Variants in DNAH14 observed in about 807,000 individuals in gnomAD.
DNAH14 encodes the protein dynein axonemal heavy chain 14, also known as axonemal beta dynein heavy chain 14.
Under a neutral mutation model 520.9 loss-of-function variants are expected in DNAH14, and 478 were observed. The observed-to-expected ratio is 0.92, with a 90% confidence interval of 0.85 to 0.99. The LOEUF is 0.99. Among genes scored for constraint, DNAH14 ranks in the 50% least tolerant of loss-of-function variants. DNAH14 has a pLI of 0.00. For missense variants in DNAH14, 4,831 were observed against 5,234.5 expected, an observed-to-expected ratio of 0.92 and a Z score of 2.38; for synonymous variants, 1,581 against 1,757.2, an observed-to-expected ratio of 0.90 and a Z score of 2.51.
At position 225,333,298 on chromosome 1, in the gene DNAH14, G is replaced by T. The variant is rs1265259623; in HGVS notation, c.9872G>T (p.Trp3291Leu). 6.5e-7 allele frequency: 1 copy of T among 1,550,186 alleles called. No homozygotes were observed. Residue 3291 changes from tryptophan to leucine, a missense_variant, in exon 66 of 86, where the codon TGG (tryptophan) becomes TTG (leucine). Physicochemically the swap from Trp to Leu is moderately conservative, Grantham distance 61. Transcript: ENST00000682510. ...TTCTATTTTAACATTTAGACTCGAT[G>T]GCAAGAAACAATCAATCAAATAGAT... ...LTVLEDEKTR[W>L]QETINQIDNK...
rs1454149127 is a variant in DNAH14, at chr1:225,399,155, A to G, written c.13740A>G (p.Ala4580=). The change falls in exon 86 of 86, where the codon GCA becomes GCG. Residue 4580 remains alanine, a synonymous_variant. Coordinates refer to ENST00000682510, the MANE Select transcript of DNAH14 (RefSeq NM_001367479.1). ...YQTPERSRIL[A]TTGLPTNFLT... ...CACCTGAGAGGTCAAGAATTTTGGC[A>G]ACTACCGGTTTACCAACAAACTTTT... 5.2e-6 allele frequency: 8 copies of G among 1,551,656 alleles called. No individual in the cohort carries two copies. The highest frequency in any genetic ancestry group is 7.0e-6 in the Non-Finnish European group (8 of 1,146,976).
intron 5 of DNAH14, 67 bp downstream of exon 5, chr1:224,964,676 T>C: frequency 7.6e-7 from 1 of 1,315,504 alleles, no homozygotes; most frequent in Middle Eastern, 2.8e-4. Context: ...TTAATTTTTA[T>C]TTCATTTCAG....
rs1313515884 is a variant in DNAH14 at position 225,345,954 on chromosome 1, G to T, written c.10679-8G>T. On this transcript the variant is annotated splice_polypyrimidine_tract_variant and splice_region_variant and intron_variant, in intron 69 of 85. Coordinates refer to ENST00000682510, the MANE Select transcript of DNAH14 (RefSeq NM_001367479.1). ...CTTTATTTAACTTCACTTTTTGTTT[G>T]TCTTTAGGATCCATATTAGATGATG... is the stretch of plus-strand genomic sequence containing the variant. 8 of 1,533,874 alleles carry T rather than the reference G, an allele frequency of 5.2e-6. No homozygotes were observed. The highest frequency in any genetic ancestry group is 4.2e-5 in the Admixed American group (2 of 47,178).
chr1:225,300,811 T>C, intron 55 of DNAH14, 58 bp from the exon 56 acceptor site: 1 of 1,496,292 alleles, frequency 6.7e-7, no homozygotes, highest in South Asian at 1.2e-5. Context: ...ATTGATGTGG[T>C]TAGGGTAGAA....
intron 27 of DNAH14, among the ~76,000 whole-genome samples, chr1:225,138,445 C>T (rs2079149935): frequency 6.6e-6 from 1 of 152,202 alleles, no homozygotes; most frequent in Non-Finnish European, 1.5e-5. Context: ...GAAGTGAGGC[C>T]TACAGAAGGA....
chr1:225,290,477 T>C (rs2093842510), intron 55 of DNAH14, among the ~76,000 whole-genome samples: 1 of 151,458 alleles, frequency 6.6e-6, no homozygotes, highest in Non-Finnish European at 1.5e-5. Context: ...AGATATGTAA[T>C]CTACAATCTG....
At chr1:225,393,170 G>A (rs1204625618) in intron 84 of DNAH14, among the ~76,000 whole-genome samples, 1 of 152,230 alleles carries the variant, frequency 6.6e-6, no homozygotes, top group Non-Finnish European at 1.5e-5. Context: ...TCTTTAGTCA[G>A]AGAAATGCAA....
intron 83 of DNAH14, among the ~76,000 whole-genome samples, chr1:225,390,422 C>T (rs1001865438): frequency 6.6e-6 from 1 of 152,100 alleles, no homozygotes; most frequent in Non-Finnish European, 1.5e-5. Context: ...GCTGTGAGCT[C>T]TATGAAGGCA....
chr1:224,998,502 C>T (rs909712466), intron 8 of DNAH14, among the ~76,000 whole-genome samples: 3 of 152,096 alleles, frequency 2.0e-5, no homozygotes, highest in South Asian at 4.1e-4. Context: ...TAATTTTCCT[C>T]GAGTCTTTCT....
chr1:224,981,724 T>C (rs968215397), intron 8 of DNAH14, among the ~76,000 whole-genome samples: 9 of 152,210 alleles, frequency 5.9e-5, no homozygotes, highest in Non-Finnish European at 1.2e-4. Context: ...TTATTTATCT[T>C]TTCAAAGAAC....
chr1:225,301,189 C>A (rs1442088092), intron 56 of DNAH14, among the ~76,000 whole-genome samples, 159 bp downstream of exon 56: 4 of 152,034 alleles, frequency 2.6e-5, no homozygotes, highest in Non-Finnish European at 2.9e-5. Flanking sequence ...CAACACCATA[C>A]CCTTCGGTAG....
At chr1:224,980,638 A>C (rs2062196939) in intron 8 of DNAH14, among the ~76,000 whole-genome samples, 1 of 152,210 alleles carries the variant, frequency 6.6e-6, no homozygotes, top group Admixed American at 6.5e-5. Flanking sequence ...GAGTGAACAT[A>C]GGCAGTAGCC....
chr1:224,954,834 A>G lies in DNAH14; in HGVS notation c.78-125A>G, dbSNP rs1488846241. ...AATTATGGAGCATGTTAACCATAGC[A>G]TTTATTAAACCTAAGAAGCTGTTTT... On this transcript the variant is annotated intron_variant, in intron 2 of 85. Transcript: ENST00000682510. 6.0e-6 allele frequency: 4 copies of G among 668,224 alleles called. No individual in the cohort carries two copies. The Admixed American group carries it at 1.3e-4, about 21-fold the overall frequency. 41.4% of individuals were successfully genotyped at this position (668,224 alleles called of 1,614,324 possible).
At chr1:225,170,967 A>T (rs1057236965) in intron 36 of DNAH14, among the ~76,000 whole-genome samples, 2 of 152,172 alleles carry the variant, frequency 1.3e-5, no homozygotes, top group Non-Finnish European at 2.9e-5. Flanking sequence ...TAAGAAACTC[A>T]CTCAAAACTG....
chr1:225,330,706 G>A (rs983217829), intron 64 of DNAH14, among the ~76,000 whole-genome samples: 13 of 152,176 alleles, frequency 8.5e-5, no homozygotes, highest in Admixed American at 7.2e-4. Context: ...TAATGGATAC[G>A]AAAAATAGAA....
intron 23 of DNAH14, among the ~76,000 whole-genome samples, chr1:225,110,736 C>T (rs1284433509): frequency 7.3e-5 from 11 of 151,600 alleles, no homozygotes; most frequent in South Asian, 2.1e-4. Flanking sequence ...CTTTAAGATG[C>T]GTTTTTAAGT....
At chr1:225,374,157 A>G (rs2095657726) in intron 77 of DNAH14, among the ~76,000 whole-genome samples, 1 of 70,684 alleles carries the variant, frequency 1.4e-5, no homozygotes, top group African/African-American at 4.7e-5. Context: ...ATATATATAT[A>G]TATATATATA....
At chr1:225,292,761 G>C (rs1438140205) in intron 55 of DNAH14, among the ~76,000 whole-genome samples, 8 of 151,960 alleles carry the variant, frequency 5.3e-5, no homozygotes, top group Non-Finnish European at 1.0e-4. Context: ...TTTGTACCCT[G>C]TTCAGTTTCT....
chr1:225,300,503 A>C (rs2150064364), intron 55 of DNAH14, among the ~76,000 whole-genome samples: 1 of 152,288 alleles, frequency 6.6e-6, no homozygotes, highest in South Asian at 2.1e-4. Context: ...AAGATGGACC[A>C]GCCCAGACAA....
Sources: allele counts gnomAD v4.1 joint callset (sites outside exome capture counted in the v4.1 genomes callset), GRCh38; gene constraint gnomAD v4.1.1; transcripts MANE v1.5; gene names NCBI Gene and HGNC (gene_info 2026-07-23, HGNC 2026-07-21).